DLG2: variants seen among roughly 807,000 people sequenced by gnomAD.
DLG2 encodes discs large MAGUK scaffold protein 2, also known as disks large homolog 2.
In DLG2, 45 loss-of-function variants were observed where a neutral mutation model predicts 132.5. The ratio of observed to expected loss-of-function variants is 0.34; its 90% CI spans 0.27 to 0.44. The LOEUF (loss-of-function observed/expected upper bound fraction) is 0.44. Ranked by LOEUF, DLG2 falls within the 20% of genes least tolerant of loss-of-function variation. The pLI, the probability that DLG2 is intolerant of heterozygous loss-of-function variation, is 1.00. For synonymous variants in DLG2, 424 were observed against 419.6 expected (o/e 1.01, Z -0.13); for missense variants, 1,045 against 1,196.9 (o/e 0.87, Z 1.87).
chr11:83,658,952 T>C (rs2073498583), intron 18 of DLG2, among the ~76,000 whole-genome samples: 2 of 152,208 alleles, frequency 1.3e-5, no homozygotes, highest in African/African-American at 4.8e-5. Context: ...TCCAGGTTAC[T>C]TAGGTGGAAA....
chr11:83,779,045 G>A (rs966214541), intron 18 of DLG2, among the ~76,000 whole-genome samples: 1 of 152,090 alleles, frequency 6.6e-6, no homozygotes, highest in Non-Finnish European at 1.5e-5. Context: ...CTAGAGTCAT[G>A]TAAAGTTTTA....
intron 7 of DLG2, among the ~76,000 whole-genome samples, chr11:84,427,697 TA>T (rs2098971498): frequency 6.6e-6 from 1 of 152,084 alleles, no homozygotes; most frequent in Non-Finnish European, 1.5e-5. Flanking sequence ...AACCCCAATA[TA>T]CTTTTTTTCC....
At chr11:85,353,032 C>T (rs527595710) in intron 3 of DLG2, among the ~76,000 whole-genome samples, 2 of 152,088 alleles carry the variant, frequency 1.3e-5, no homozygotes, top group East Asian at 3.8e-4. Flanking sequence ...AAAGAAGCTA[C>T]CATCAGAGTG....
At chr11:85,059,870 A>G (rs1466460955) in intron 6 of DLG2, among the ~76,000 whole-genome samples, 2 of 151,674 alleles carry the variant, frequency 1.3e-5, no homozygotes, top group East Asian at 1.9e-4. Context: ...TTCTGCATTG[A>G]TATTTTATTT....
At chr11:85,239,293 T>G (rs56084938) in intron 4 of DLG2, among the ~76,000 whole-genome samples, 4 of 152,100 alleles carry the variant, frequency 2.6e-5, no homozygotes, top group African/African-American at 9.6e-5. Flanking sequence ...TCTTTACATT[T>G]GTTTACATTT....
chr11:84,512,875 A>C (rs2099261046), intron 7 of DLG2, among the ~76,000 whole-genome samples: 1 of 152,088 alleles, frequency 6.6e-6, no homozygotes, highest in African/African-American at 2.4e-5. Context: ...TTCTCAGCAA[A>C]CTGACACAGG....
chr11:84,622,215 A>C (rs962159185), intron 6 of DLG2, among the ~76,000 whole-genome samples: 4 of 152,190 alleles, frequency 2.6e-5, no homozygotes. Context: ...CAGAGAAAAA[A>C]ATATTTATAT....
chr11:84,686,124 A>G (rs2099737941), intron 6 of DLG2, among the ~76,000 whole-genome samples: 1 of 152,180 alleles, frequency 6.6e-6, no homozygotes, highest in Admixed American at 6.5e-5. Context: ...TGAACAGGAC[A>G]TTTGGCTCGA....
chr11:85,134,390 G>T (rs1440186338), intron 5 of DLG2, among the ~76,000 whole-genome samples: 1 of 149,192 alleles, frequency 6.7e-6, no homozygotes, highest in Non-Finnish European at 1.5e-5. Context: ...TTAGCCGGGC[G>T]TAGTGGCGGG....
At chr11:84,479,035 T>G (rs2099129623) in intron 7 of DLG2, among the ~76,000 whole-genome samples, 1 of 152,036 alleles carries the variant, frequency 6.6e-6, no homozygotes. Flanking sequence ...AGAACCATGG[T>G]ACATAAAATG....
chr11:83,759,612 C>G (rs996284253), intron 18 of DLG2, among the ~76,000 whole-genome samples: 2 of 152,080 alleles, frequency 1.3e-5, no homozygotes, highest in African/African-American at 2.4e-5. Flanking sequence ...GGCTGTCATA[C>G]CACCCTACCT....
At chr11:83,766,458 T>G (rs1190096130) in intron 18 of DLG2, among the ~76,000 whole-genome samples, 1 of 151,832 alleles carries the variant, frequency 6.6e-6, no homozygotes, top group Non-Finnish European at 1.5e-5. Context: ...GTATTCTTCT[T>G]TGTGTTCCAT....
intron 14 of DLG2, among the ~76,000 whole-genome samples, chr11:83,942,398 G>A (rs184833087): frequency 4.5e-4 from 69 of 152,138 alleles, no homozygotes; most frequent in African/African-American, 1.6e-3. Flanking sequence ...TATTAAGTAC[G>A]ATCCCAATTT....
intron 21 of DLG2, among the ~76,000 whole-genome samples, chr11:83,528,814 T>G (rs1165485298): frequency 1.3e-5 from 2 of 152,162 alleles, no homozygotes; most frequent in African/African-American, 4.8e-5. Context: ...TATCATTGTT[T>G]GCCTGCTTAT....
intron 18 of DLG2, among the ~76,000 whole-genome samples, chr11:83,637,741 TAGTC>T (rs1392391205): frequency 1.3e-5 from 2 of 152,182 alleles, no homozygotes; most frequent in African/African-American, 2.4e-5. Flanking sequence ...TCTATTGTGT[TAGTC>T]AGGTGCATGC....
intron 4 of DLG2, among the ~76,000 whole-genome samples, chr11:85,178,382 A>AT (rs1252691955): frequency 1.3e-5 from 2 of 152,096 alleles, no homozygotes; most frequent in African/African-American, 4.8e-5. Context: ...TATACAGGTT[A>AT]TTTTTTACTA....
At position 85,554,235 on chromosome 11, in the gene DLG2, AAAC is replaced by A. The variant is rs1270345845; in HGVS notation, c.40+44419_40+44421del. Among the ~76,000 whole-genome samples, 19 of 151,900 alleles carry A rather than the reference AAAC, an allele frequency of 1.3e-4. 1 individual carries two copies. Among genetic ancestry groups the A allele is most frequent in the African/African-American group, 3.9e-4 (16 of 41,544 alleles). ...TTAACAAAAAAAATTGAGTATTTGA[AAAC>A]AATAGTCGTCGTCAAACTTCTGATA... On this transcript the variant is annotated intron_variant, in intron 3 of 27. Transcript: ENST00000376104.
At chr11:84,493,633 C>T (rs1286818816) in intron 7 of DLG2, among the ~76,000 whole-genome samples, 2 of 152,026 alleles carry the variant, frequency 1.3e-5, no homozygotes, top group Non-Finnish European at 2.9e-5. Context: ...TGATTCAAAT[C>T]CCAACTCCAC....
At chr11:84,671,497 G>C (rs528911280) in intron 6 of DLG2, among the ~76,000 whole-genome samples, 17 of 152,164 alleles carry the variant, frequency 1.1e-4, no homozygotes, top group Non-Finnish European at 1.5e-4. Context: ...ATGACAGTAG[G>C]GGGAGGAGAT....
Sources: allele counts gnomAD v4.1 joint callset (sites outside exome capture counted in the v4.1 genomes callset), GRCh38; gene constraint gnomAD v4.1.1; transcripts MANE v1.5; gene names NCBI Gene and HGNC (gene_info 2026-07-23, HGNC 2026-07-21).